Variants in SLCO1A2 observed in about 807,000 individuals in gnomAD.
SLCO1A2 encodes the protein solute carrier organic anion transporter family member 1A2, also known as OATP-1.
SLCO1A2 carries 67 observed loss-of-function variants against 69.0 expected under a neutral mutation model. The ratio of observed to expected loss-of-function variants is 0.97; its 90% confidence interval spans 0.80 to 1.19. SLCO1A2 has a LOEUF of 1.19. Ranked by LOEUF, SLCO1A2 falls within the 50% of genes most tolerant of loss-of-function variation. The pLI is 0.00. For synonymous variants in SLCO1A2, 260 were observed against 265.9 expected (o/e 0.98, Z 0.22); for missense variants, 787 against 793.7 (o/e 0.99, Z 0.10).
chr12:21,329,755 G>A (rs1177991478), intron 2 of SLCO1A2, among the ~76,000 whole-genome samples: 2 of 149,250 alleles, frequency 1.3e-5, no homozygotes, highest in African/African-American at 2.4e-5. Context: ...ATAACTCTTA[G>A]AAAAAAAAAT....
At chr12:21,360,959 G>T (rs576740077) in intron 2 of SLCO1A2, among the ~76,000 whole-genome samples, 1 of 152,220 alleles carries the variant, frequency 6.6e-6, no homozygotes, top group African/African-American at 2.4e-5. Flanking sequence ...ACCTCTAGGG[G>T]CAGGGCATAG....
intron 2 of SLCO1A2, among the ~76,000 whole-genome samples, chr12:21,355,971 T>C (rs1367626992): frequency 6.6e-6 from 1 of 152,120 alleles, no homozygotes; most frequent in African/African-American, 2.4e-5. Flanking sequence ...GCATATCAGA[T>C]ACAGATGAAA....
chr12:21,403,527 C>T lies in SLCO1A2; in HGVS notation c.-312+14355G>A, dbSNP rs186498136. 480 of 152,132 alleles carry T rather than the reference C, an allele frequency of 3.2e-3. 2 individuals carry two copies. The highest frequency in any genetic ancestry group is 0.011 in the African/African-American group (462 of 41,506). 9.4% of individuals were successfully genotyped at this position (152,132 alleles called of 1,614,324 possible). A position where few individuals can be genotyped will look rare whatever the true frequency, so the allele number is the denominator to read the frequency against. ...GCCAGTATGAATAAGGCACCTCAAA[C>T]GTGTAAGCTGCAGCTTCTTGTTCAT... On this transcript the variant is annotated intron_variant, in intron 1 of 4. Transcript: ENST00000413682.
chr12:21,357,573 C>A (rs1938471622), intron 2 of SLCO1A2, among the ~76,000 whole-genome samples: 1 of 152,216 alleles, frequency 6.6e-6, no homozygotes, highest in Admixed American at 6.5e-5. Context: ...TTGACCAAAT[C>A]TCCAACTGGA....
At chr12:21,407,911 C>T (rs1290233750) in intron 1 of SLCO1A2, among the ~76,000 whole-genome samples, 1 of 151,966 alleles carries the variant, frequency 6.6e-6, no homozygotes, top group Admixed American at 6.6e-5. Flanking sequence ...CTGCAAAAGC[C>T]CAGGCAAGAT....
At chr12:21,343,967 A>T (rs951874433) in intron 2 of SLCO1A2, among the ~76,000 whole-genome samples, 3 of 152,142 alleles carry the variant, frequency 2.0e-5, no homozygotes, top group Non-Finnish European at 4.4e-5. Context: ...GCTGAAGAAA[A>T]GCAAAGGAAT....
intron 2 of SLCO1A2, among the ~76,000 whole-genome samples, chr12:21,321,241 A>G (rs983402163): frequency 5.9e-5 from 9 of 152,034 alleles, no homozygotes; most frequent in African/African-American, 1.4e-4. Context: ...TCTTTGGTCA[A>G]CCCTTTCAGG....
upstream of SLCO1A2, among the ~76,000 whole-genome samples, chr12:21,398,933 A>G (rs1941584452): frequency 1.3e-5 from 2 of 150,688 alleles, no homozygotes; most frequent in African/African-American, 4.9e-5. Context: ...GAATGGACAA[A>G]AACTGGAAGC....
At position 21,334,657 on chromosome 12, in the gene SLCO1A2, C is replaced by T. The variant is rs751911977; in HGVS notation, c.-10G>A. 6.2e-7 allele frequency: 1 copy of T among 1,606,470 alleles called. No individual in the cohort carries two copies. The highest frequency in any genetic ancestry group is 8.5e-7 in the Non-Finnish European group (1 of 1,175,906). On this transcript the variant is annotated 5_prime_UTR_variant, in exon 2 of 15. Transcript: ENST00000683939. ...TCTCAGTTTCTCCCATGTTGCTCTT[C>T]AGGGTGTTCCAAGCTATTTATGTTT...
intron 2 of SLCO1A2, among the ~76,000 whole-genome samples, chr12:21,372,218 C>T (rs1330969449): frequency 6.6e-6 from 1 of 152,110 alleles, no homozygotes; most frequent in Non-Finnish European, 1.5e-5. Flanking sequence ...TGGAAAAGGT[C>T]ATCCAAAAAC....
At chr12:21,377,633 C>T (rs994779249) in intron 1 of SLCO1A2, among the ~76,000 whole-genome samples, 2 of 152,130 alleles carry the variant, frequency 1.3e-5, no homozygotes, top group Non-Finnish European at 1.5e-5. Context: ...ATTTTAAATA[C>T]TTCATATACA....
At chr12:21,405,437 A>G (rs1941808550) in intron 1 of SLCO1A2, among the ~76,000 whole-genome samples, 1 of 152,136 alleles carries the variant, frequency 6.6e-6, no homozygotes, top group South Asian at 2.1e-4. Flanking sequence ...TTCATATGGA[A>G]CCAAAAAGAC....
chr12:21,278,682 C>T (rs918742565), intron 12 of SLCO1A2, among the ~76,000 whole-genome samples: 3 of 152,070 alleles, frequency 2.0e-5, no homozygotes, highest in African/African-American at 7.2e-5. Flanking sequence ...ATTGGGCTTG[C>T]GGGCCCAAGT....
chr12:21,344,048 CG>C (rs1255202989), intron 2 of SLCO1A2, among the ~76,000 whole-genome samples: 1 of 151,922 alleles, frequency 6.6e-6, no homozygotes, highest in Non-Finnish European at 1.5e-5. Context: ...TACTGATGAG[CG>C]GTAAAAACTT....
chr12:21,283,364 CA>C (rs1945162157), intron 12 of SLCO1A2, among the ~76,000 whole-genome samples: 1 of 152,096 alleles, frequency 6.6e-6, no homozygotes, highest in African/African-American at 2.4e-5. Flanking sequence ...ATGGAATTTC[CA>C]TAAGCAGAAG....
chr12:21,405,246 A>C (rs1240460180), intron 1 of SLCO1A2, among the ~76,000 whole-genome samples: 3 of 152,062 alleles, frequency 2.0e-5, no homozygotes, highest in African/African-American at 7.2e-5. Flanking sequence ...CTCATTTGTC[A>C]ATTTTTGCTT....
intron 2 of SLCO1A2, among the ~76,000 whole-genome samples, chr12:21,320,500 GTTGTT>G (rs1951472274): frequency 6.6e-6 from 1 of 151,504 alleles, no homozygotes; most frequent in African/African-American, 2.4e-5. Context: ...TTTGTTTTGT[GTTGTT>G]TTGTTTTGTT....
At chr12:21,408,074 CA>C (rs1190922158) in intron 1 of SLCO1A2, among the ~76,000 whole-genome samples, 1 of 152,112 alleles carries the variant, frequency 6.6e-6, no homozygotes, top group Non-Finnish European at 1.5e-5. Flanking sequence ...GGCAACTCCT[CA>C]GATAAGGAGT....
intron 12 of SLCO1A2, among the ~76,000 whole-genome samples, chr12:21,287,654 A>C (rs1946119935): frequency 7.8e-6 from 1 of 128,874 alleles, no homozygotes; most frequent in African/African-American, 3.1e-5. Flanking sequence ...AATGTGGCAC[A>C]TATACACCAT....
Sources: allele counts gnomAD v4.1 joint callset (sites outside exome capture counted in the v4.1 genomes callset), GRCh38; gene constraint gnomAD v4.1.1; transcripts MANE v1.5; gene names NCBI Gene and HGNC (gene_info 2026-07-23, HGNC 2026-07-21).